LMO7: variants seen among roughly 807,000 people sequenced by gnomAD.
The protein encoded by LMO7 is LIM domain 7.
In LMO7, 120 loss-of-function variants were observed where a neutral mutation model predicts 206.5. That is an observed-to-expected ratio of 0.58 (90% CI 0.50 to 0.68). The LOEUF (loss-of-function observed/expected upper bound fraction) is 0.68, where lower values mean the gene tolerates loss of function less well. LMO7 is among the 30% of genes least tolerant of loss of function. LMO7 has a pLI of 0.00. For synonymous variants in LMO7, 706 were observed against 681.5 expected, an observed-to-expected ratio of 1.04 and a Z score of -0.56; for missense variants, 1,959 against 1,957.9, an observed-to-expected ratio of 1.00 and a Z score of -0.01.
chr13:75,760,638 C>T (rs984426022), intron 3 of LMO7: 23 of 1,466,156 alleles, frequency 1.6e-5, no homozygotes, highest in Non-Finnish European at 2.1e-5. Flanking sequence ...GATTACTGCT[C>T]AGTGGCTAGG....
chr13:75,856,682 C>T (rs1485697810), intron 30 of LMO7, 74 bp downstream of exon 30: 2 of 835,992 alleles, frequency 2.4e-6, no homozygotes, highest in Non-Finnish European at 4.1e-6. Context: ...TTCCCTGAAC[C>T]TGCAGCGAGC....
chr13:75,630,886 C>A (rs2034846437), intron 2 of LMO7, among the ~76,000 whole-genome samples: 1 of 152,160 alleles, frequency 6.6e-6, no homozygotes, highest in Non-Finnish European at 1.5e-5. Context: ...GAACTCCTGA[C>A]CTCAGGTGAT....
chr13:75,738,852 G>A (rs981695076), intron 3 of LMO7, among the ~76,000 whole-genome samples: 1 of 152,196 alleles, frequency 6.6e-6, no homozygotes, highest in Non-Finnish European at 1.5e-5. Context: ...CATCAGGGAA[G>A]TCATTAACCC....
Position 75,807,526 on chromosome 13 carries a change from T to C in LMO7, c.1243T>C (p.Leu415=). 1.2e-6 allele frequency: 2 copies of C among 1,613,804 alleles called. No individual in the cohort carries two copies. The highest frequency in any genetic ancestry group is 1.7e-6 in the Non-Finnish European group (2 of 1,179,818). The change falls in exon 10 of 31, where the codon TTG becomes CTG. Residue 415 remains leucine (L), a synonymous_variant. Transcript: ENST00000377534. ...CCTCCAAACATACTCTGATGACATC[T>C]TGTCTTCTGAAACACATACCAAAAT... ...QALQTYSDDI[L]SSETHTKIDP... is the part of the protein sequence containing the mutation.
intron 4 of LMO7, among the ~76,000 whole-genome samples, chr13:75,762,526 A>G (rs563096002): frequency 6.6e-6 from 1 of 152,292 alleles, no homozygotes; most frequent in African/African-American, 2.4e-5. Context: ...GCTAAAGACT[A>G]GGTGAAACAT....
intron 1 of LMO7, among the ~76,000 whole-genome samples, chr13:75,654,398 C>G (rs1476638110): frequency 6.6e-6 from 1 of 152,162 alleles, no homozygotes; most frequent in South Asian, 2.1e-4. Context: ...CCTGATCTCT[C>G]GTTCCTTTTT....
intron 1 of LMO7, among the ~76,000 whole-genome samples, chr13:75,712,190 C>T (rs2043180460): frequency 6.6e-6 from 1 of 152,132 alleles, no homozygotes; most frequent in South Asian, 2.1e-4. Context: ...AGCCCTGGAG[C>T]CAACCTGGGA....
intron 4 of LMO7, 22 bp downstream of exon 4, chr13:75,761,060 G>GATATAT: frequency 1.7e-6 from 2 of 1,159,376 alleles, no homozygotes; most frequent in Non-Finnish European, 1.2e-6. Context: ...CAGTTTGTTA[G>GATATAT]ATATATATAT....
At chr13:75,816,460 C>A (rs1461606920) in intron 11 of LMO7, among the ~76,000 whole-genome samples, 1 of 152,236 alleles carries the variant, frequency 6.6e-6, no homozygotes, top group African/African-American at 2.4e-5. Context: ...CTGTGCCCAA[C>A]ACCCCACTCT....
At chr13:75,821,955 T>A (rs540139358) in intron 14 of LMO7, among the ~76,000 whole-genome samples, 38 of 152,126 alleles carry the variant, frequency 2.5e-4, no homozygotes, top group Non-Finnish European at 1.3e-4. Context: ...TGATTGTTCT[T>A]CTTGACCTAT....
chr13:75,777,150 A>G (rs474240), intron 4 of LMO7, among the ~76,000 whole-genome samples: 106,301 of 152,090 alleles, frequency 0.7, 37,602 homozygotes, highest in East Asian at 0.92. Context: ...TTGAATGAGG[A>G]CACTGTTTTA....
Position 75,834,353 on chromosome 13 carries a change from C to G in LMO7, c.3192C>G (p.His1064Gln). Residue 1064 changes from histidine (H) to glutamine (Q), a missense_variant, in exon 17 of 31, where the codon CAC becomes CAG. By Grantham distance (24) the His-to-Gln change is conservative. Transcript: ENST00000377534. ...EAMAKAQETGHLVMDVRRYGK... is the reference protein window; with the variant it reads ...EAMAKAQETGQLVMDVRRYGK... ...TGGCTAAGGCTCAAGAAACTGGACA[C>G]CTAGTGATGGATGTGAGGCGCTATG... 6.2e-7 allele frequency: 1 copy of G among 1,607,004 alleles called. No homozygotes were observed. The highest frequency in any genetic ancestry group is 8.5e-7 in the Non-Finnish European group (1 of 1,176,720).
intron 1 of LMO7, among the ~76,000 whole-genome samples, chr13:75,712,565 G>T (rs924758108): frequency 6.6e-6 from 1 of 152,094 alleles, no homozygotes. Context: ...CTTAAGTTGG[G>T]AATTGTCTGT....
chr13:75,684,294 T>G (rs1477481722), intron 1 of LMO7, among the ~76,000 whole-genome samples: 1 of 152,194 alleles, frequency 6.6e-6, no homozygotes, highest in Non-Finnish European at 1.5e-5. Flanking sequence ...AGTGCAATGG[T>G]GCAATCTCTG....
chr13:75,679,934 A>G (rs2040333229), intron 1 of LMO7, among the ~76,000 whole-genome samples: 1 of 152,216 alleles, frequency 6.6e-6, no homozygotes, highest in Admixed American at 6.5e-5. Context: ...GTTCCAGGAT[A>G]CATGTGCAGA....
upstream of LMO7, among the ~76,000 whole-genome samples, chr13:75,635,512 T>C (rs2035675248): frequency 1.3e-5 from 2 of 151,184 alleles, no homozygotes; most frequent in African/African-American, 4.8e-5. Context: ...CGCTGTCCCC[T>C]GAGTGTCCTC....
At chr13:75,707,773 T>C (rs933814105) in intron 1 of LMO7, among the ~76,000 whole-genome samples, 1 of 152,098 alleles carries the variant, frequency 6.6e-6, no homozygotes, top group African/African-American at 2.4e-5. Context: ...ATAAATACTG[T>C]ACAAATGGAA....
chr13:75,665,961 A>G (rs2039040626), intron 1 of LMO7, among the ~76,000 whole-genome samples: 1 of 152,244 alleles, frequency 6.6e-6, no homozygotes, highest in African/African-American at 2.4e-5. Flanking sequence ...TTTCTAGGTT[A>G]TGAAAAGAAA....
chr13:75,726,185 C>G (rs1338841525), intron 2 of LMO7, among the ~76,000 whole-genome samples: 1 of 151,922 alleles, frequency 6.6e-6, no homozygotes, highest in Non-Finnish European at 1.5e-5. Flanking sequence ...ATTAACCAAG[C>G]TAACATTAAT....
Sources: gnomAD v4.1 joint callset for allele counts (sites outside exome capture counted in the v4.1 genomes callset) on GRCh38, gnomAD v4.1.1 for gene constraint, MANE v1.5 for transcripts, NCBI Gene and HGNC (gene_info 2026-07-23, HGNC 2026-07-21) for gene names.